SPI1: variants seen among roughly 807,000 people sequenced by gnomAD.
The protein encoded by SPI1 is transcription factor PU.1.
SPI1 carries 3 observed loss-of-function variants against 30.7 expected under a neutral mutation model. That is an observed-to-expected ratio of 0.10 (90% CI 0.04 to 0.25). SPI1 has a LOEUF of 0.25. Ranked by LOEUF, SPI1 falls within the 10% of genes least tolerant of loss-of-function variation. The pLI is 1.00. For missense variants in SPI1, 261 were observed against 371.5 expected (o/e 0.70, Z 2.45); for synonymous variants, 169 against 157.1 (o/e 1.08, Z -0.56).
chr11:47,364,261 A>G (rs2095925274), intron 2 of SPI1, among the ~76,000 whole-genome samples: 1 of 151,936 alleles, frequency 6.6e-6, no homozygotes, highest in African/African-American at 2.4e-5. Flanking sequence ...TGTGTTAGCC[A>G]GGATGGTCGC....
At position 47,375,826 on chromosome 11, in the gene SPI1, G is replaced by T; in HGVS notation, c.46-97C>A. ...CGCTGGGTCCCCATCACCTTCCCTG[G>T]CTCAGTGGCTGCGTTGGACCTACAG... On this transcript the variant is annotated intron_variant, in intron 1 of 4. Coordinates refer to ENST00000378538, the MANE Select transcript of SPI1 (RefSeq NM_003120.3). This position sits in a 1 kb window ranked among gnomAD's most constrained non-coding sequence, Gnocchi z 4.2. 1 of 950,250 alleles carries T rather than the reference G, an allele frequency of 1.1e-6. No individual in the cohort carries two copies. The highest frequency in any genetic ancestry group is 1.7e-6 in the Non-Finnish European group (1 of 581,308). 58.9% of individuals were successfully genotyped at this position (950,250 alleles called of 1,614,324 possible).
chr11:47,362,618 C>G (rs2095922464), intron 2 of SPI1, among the ~76,000 whole-genome samples: 2 of 148,650 alleles, frequency 1.3e-5, no homozygotes, highest in Non-Finnish European at 1.5e-5. Context: ...CACTCTTGCC[C>G]AAGCTGGAGT....
intron 2 of SPI1, among the ~76,000 whole-genome samples, chr11:47,363,817 C>T (rs544294883): frequency 2.0e-5 from 3 of 151,616 alleles, no homozygotes; most frequent in South Asian, 4.2e-4. Context: ...TAAAAATTAG[C>T]TGGGCCTGAT....
At chr11:47,355,929 C>T (rs1312242402) in intron 4 of SPI1, among the ~76,000 whole-genome samples, 10 of 150,464 alleles carry the variant, frequency 6.6e-5, no homozygotes. Context: ...TTCTCACACC[C>T]ACTCACACTC....
intron 2 of SPI1, among the ~76,000 whole-genome samples, chr11:47,370,680 C>T (rs1187312795): frequency 6.6e-6 from 1 of 152,024 alleles, no homozygotes; most frequent in African/African-American, 2.4e-5. Flanking sequence ...CCAGCCTAGG[C>T]GACAGAGTGA....
chr11:47,360,566 G>T (rs112815034), intron 2 of SPI1, among the ~76,000 whole-genome samples: 3,112 of 152,256 alleles, frequency 0.02, 125 homozygotes, highest in African/African-American at 0.071. Context: ...GGTGGCTCAC[G>T]CCTGTAAACC....
chr11:47,373,051 G>A (rs373462632), intron 2 of SPI1, among the ~76,000 whole-genome samples: 2 of 152,136 alleles, frequency 1.3e-5, no homozygotes, highest in Non-Finnish European at 2.9e-5. Context: ...CCTTCCAGCG[G>A]GTATAAAAAG....
In SPI1 at chr11:47,355,320, C is replaced by T. The variant is rs1357351826; in HGVS notation, c.720G>A (p.Glu240=). 3.7e-6 allele frequency: 6 copies of T among 1,611,880 alleles called. No homozygotes were observed. Among genetic ancestry groups the T allele is most frequent in the Non-Finnish European group, 4.2e-6 (5 of 1,179,142 alleles). Reference sequence around the variant, plus strand: ...TGAGCTTCTTCTTCACCTTCTTGACCTCGCCCGTCTTGCCGTAGTTGCGCA... The same window carrying T: ...TGAGCTTCTTCTTCACCTTCTTGACTTCGCCCGTCTTGCCGTAGTTGCGCA... The part of the protein sequence containing the change: ...RALRNYGKTG[E]VKKVKKKLTY... Residue 240 remains glutamate, a synonymous_variant, in exon 5 of 5, where the codon GAG becomes GAA. Coordinates refer to ENST00000378538, the MANE Select transcript of SPI1 (RefSeq NM_003120.3).
chr11:47,375,769 G>A lies in SPI1; in HGVS notation c.46-40C>T. Reference sequence around the variant, plus strand: ...GGTGTCAGGGCCTGCACCATGGTGGGAGACCCCAGCCAGGCCTGCAGCACC... The same window carrying A: ...GGTGTCAGGGCCTGCACCATGGTGGAAGACCCCAGCCAGGCCTGCAGCACC... On this transcript the variant is annotated intron_variant, in intron 1 of 4. Transcript: ENST00000378538. The surrounding 1 kb of genome is among the most constrained non-coding windows in gnomAD (Gnocchi z 4.2). The A allele has an allele frequency of 1.3e-6, 2 of 1,546,028 alleles. No homozygotes were observed. The highest frequency in any genetic ancestry group is 1.1e-5 in the South Asian group (1 of 89,670).
chr11:47,370,364 T>G (rs1166992214), intron 2 of SPI1, among the ~76,000 whole-genome samples: 2 of 135,790 alleles, frequency 1.5e-5, no homozygotes, highest in African/African-American at 2.8e-5. Context: ...GATTGCACAC[T>G]GCACTGCAGC....
intron 4 of SPI1, among the ~76,000 whole-genome samples, chr11:47,356,104 A>G (rs1449622397): frequency 2.0e-5 from 3 of 147,938 alleles, no homozygotes; most frequent in Non-Finnish European, 4.5e-5. Flanking sequence ...ATGCACCCAA[A>G]CGCCAGATTG....
chr11:47,356,914 G>A (rs1273612182), intron 4 of SPI1, among the ~76,000 whole-genome samples: 2 of 135,018 alleles, frequency 1.5e-5, no homozygotes, highest in African/African-American at 5.1e-5. Context: ...ACACACTTGT[G>A]CTCACACACC....
In SPI1 at chr11:47,355,891, A is replaced by T. The variant is rs533942636; in HGVS notation, c.494-345T>A. 1.3e-4 allele frequency among the ~76,000 whole-genome samples: 19 copies of T among 145,788 alleles called. No individual in the cohort carries two copies. The South Asian group carries it at 4.1e-3, about 31-fold the overall frequency. On this transcript the variant is annotated intron_variant, in intron 4 of 4. Transcript: ENST00000378538. The stretch of plus-strand genomic sequence containing the variant: ...ATGCTCACACATCACGCCCACACCC[A>T]CTCACACACGTGCTCACACAACGCA...
At chr11:47,376,582 C>A (rs2095942604) in intron 1 of SPI1, among the ~76,000 whole-genome samples, 1 of 150,826 alleles carries the variant, frequency 6.6e-6, no homozygotes, top group African/African-American at 2.4e-5. Flanking sequence ...TCCTTTGCTT[C>A]CTCCTCCCCC....
At chr11:47,358,439 GAC>G in intron 4 of SPI1, 1 of 634,166 alleles carries the variant, frequency 1.6e-6, no homozygotes, top group South Asian at 1.8e-5. Flanking sequence ...TGTGTTGACA[GAC>G]ACACAAACAT....
intron 2 of SPI1, among the ~76,000 whole-genome samples, chr11:47,365,366 C>T (rs1001378975): frequency 6.6e-6 from 1 of 152,124 alleles, no homozygotes; most frequent in East Asian, 1.9e-4. Context: ...AGATCTCAAT[C>T]GCTATTTGAT....
In SPI1 at chr11:47,359,949, G is replaced by T; in HGVS notation, c.234C>A (p.Pro78=). ...NNFTELQSVQ[P]PQLQQLYRHM... ...GGCGGTAGAGCTGCTGCAGCTGCGG[G>T]GGCTGCACGCTCTGGAGCTCCGTGA... The change falls in exon 3 of 5, where the codon CCC becomes CCA. Residue 78 remains proline, a synonymous_variant. Transcript: ENST00000378538. This position sits in a 1 kb window ranked among gnomAD's most constrained non-coding sequence, Gnocchi z 5.1. 6.2e-7 allele frequency: 1 copy of T among 1,611,774 alleles called. No homozygotes were observed.
Position 47,358,944 on chromosome 11 carries a change from T to A in SPI1, c.393A>T (p.Ser131=). 1 of 1,563,864 alleles carries A rather than the reference T, an allele frequency of 6.4e-7. No homozygotes were observed. Among genetic ancestry groups the A allele is most frequent in the South Asian group, 1.2e-5 (1 of 81,778 alleles). ...TCTGCCGCTCGCCCTCCTCCTCATC[T>A]GAGCTGGGCTGGGCTGGGGACAGGG... ...YPSLSPAQPS[S]DEEEGERQSP... Residue 131 remains serine, a synonymous_variant, in exon 4 of 5, where the codon TCA becomes TCT. Transcript: ENST00000378538.
rs1020996261 is a variant in SPI1, at chr11:47,359,361, G to A, written c.331-355C>T. Among the ~76,000 whole-genome samples, 7 of 152,308 alleles carry A rather than the reference G, an allele frequency of 4.6e-5. No homozygotes were observed. Among genetic ancestry groups the A allele is most frequent in the Non-Finnish European group, 7.4e-5 (5 of 68,016 alleles). On this transcript the variant is annotated intron_variant, in intron 3 of 4. Coordinates refer to ENST00000378538, the MANE Select transcript of SPI1 (RefSeq NM_003120.3). This position sits in a 1 kb window ranked among gnomAD's most constrained non-coding sequence, Gnocchi z 5.1. ...AAGAGGGCATGCTAGGGACCGGTGC[G>A]TTGGGTCTGGAAGGGGGTTTCATAG...
Sources: gnomAD v4.1 joint callset for allele counts (sites outside exome capture counted in the v4.1 genomes callset) on GRCh38, gnomAD v4.1.1 for gene constraint, Gnocchi (gnomAD v3.1) non-coding constraint, MANE v1.5 for transcripts, NCBI Gene and HGNC (gene_info 2026-07-23, HGNC 2026-07-21) for gene names.